Variants in SPPL2B observed in about 807,000 individuals in gnomAD.
SPPL2B encodes signal peptide peptidase like 2B.
A neutral mutation model predicts 59.7 loss-of-function variants in SPPL2B; 39 were observed. The ratio of observed to expected loss-of-function variants is 0.65; its 90% CI spans 0.51 to 0.85. SPPL2B has a LOEUF of 0.85. Ranked by LOEUF, SPPL2B falls within the 40% of genes least tolerant of loss-of-function variation. The probability of loss-of-function intolerance (pLI) is 0.00; values close to 1 mark genes in which losing one functional copy is unlikely to be tolerated. For synonymous variants in SPPL2B, 419 were observed against 370.8 expected, an observed-to-expected ratio of 1.13 and a Z score of -1.49; for missense variants, 865 against 849.0, an observed-to-expected ratio of 1.02 and a Z score of -0.23.
At chr19:2,342,735 C>T (rs1030267518) in intron 8 of SPPL2B, 3 of 175,640 alleles carry the variant, frequency 1.7e-5, no homozygotes, top group Non-Finnish European at 3.7e-5. Context: ...CTGCCTACAG[C>T]CTGTGACCCC....
At position 2,353,110 on chromosome 19, in the gene SPPL2B, G is replaced by A. The variant is rs1043767679; in HGVS notation, c.1680G>A (p.Gly560=). The part of the protein sequence containing the change: ...SPKSRTSEEM[G]AGAPMREPGS... ...AATCACGCACGTCCGAGGAGATGGG[G>A]GCTGGAGCCCCCATGCGGGAGCCTG... Residue 560 remains glycine, a synonymous_variant, in exon 15 of 15, where the codon GGG becomes GGA. Coordinates refer to ENST00000613503, the MANE Select transcript of SPPL2B (RefSeq NM_152988.3). 1.9e-6 allele frequency: 3 copies of A among 1,610,854 alleles called. No homozygotes were observed. In the African/African-American group the frequency reaches 4.0e-5, roughly 22 times the overall value.
At chr19:2,346,734 A>G (rs1969389762) in intron 13 of SPPL2B, among the ~76,000 whole-genome samples, 1 of 152,236 alleles carries the variant, frequency 6.6e-6, no homozygotes, top group Non-Finnish European at 1.5e-5. Flanking sequence ...CTCCTGAAAC[A>G]TAACTTGTCA....
At chr19:2,346,724 C>G (rs1969389408) in intron 13 of SPPL2B, among the ~76,000 whole-genome samples, 1 of 152,204 alleles carries the variant, frequency 6.6e-6, no homozygotes, top group South Asian at 2.1e-4. Context: ...AGATTTGTCT[C>G]TCCTGAAACA....
chr19:2,346,158 T>C (rs891902469), intron 13 of SPPL2B, among the ~76,000 whole-genome samples: 1 of 152,262 alleles, frequency 6.6e-6, no homozygotes, highest in East Asian at 1.9e-4. Flanking sequence ...GGAAAGAAGC[T>C]GTGGTGCTTT....
At chr19:2,343,844 G>A in intron 9 of SPPL2B, 121 bp from the exon 10 acceptor site, 1 of 708,118 alleles carries the variant, frequency 1.4e-6, no homozygotes, top group Non-Finnish European at 2.4e-6. Context: ...CTGGCACTGG[G>A]CACGCTCTGC....
rs555301743 is a variant in SPPL2B, at chr19:2,353,041, C to T, written c.1611C>T (p.Ser537=). The change falls in exon 15 of 15, where the codon AGC becomes AGT. Residue 537 remains serine, a synonymous_variant. Transcript: ENST00000613503. Reference sequence around the variant, plus strand: ...CGCCACTCTCCCCGCAGCCGCCCAGCGAAGAACCAGCCACATCCCCCTGGC... The same window carrying T: ...CGCCACTCTCCCCGCAGCCGCCCAGTGAAGAACCAGCCACATCCCCCTGGC... ...SATPLSPQPP[S]EEPATSPWPA... 2.6e-5 allele frequency: 42 copies of T among 1,611,998 alleles called. No individual in the cohort carries two copies. In the South Asian group the frequency reaches 3.5e-4, roughly 13 times the overall value.
chr19:2,336,906 T>TGTGC (rs1371776285), intron 2 of SPPL2B, among the ~76,000 whole-genome samples: 1 of 147,848 alleles, frequency 6.8e-6, no homozygotes, highest in African/African-American at 2.5e-5. Context: ...TGGGTGTGTG[T>TGTGC]GTGTGTGTGC....
chr19:2,334,782 A>G (rs766360726), intron 2 of SPPL2B, 61 bp downstream of exon 2: 3 of 1,459,844 alleles, frequency 2.1e-6, no homozygotes, highest in Non-Finnish European at 2.7e-6. Context: ...GGGGCTCTAG[A>G]GACACATCCG....
In SPPL2B at chr19:2,340,132, C is replaced by A. The variant is rs751372403; in HGVS notation, c.799C>A (p.Leu267Met). ...CTCCGCCACCGGCCTCTACAGCTGC[C>A]TGGCGCCCTGTGTGCGGCGGCTGCC... Reference protein sequence around the residue: ...LASATGLYSCLAPCVRRLPFG... With the variant: ...LASATGLYSCMAPCVRRLPFG... The change falls in exon 7 of 15, where the codon CTG becomes ATG. Residue 267 changes from leucine to methionine, a missense_variant. Physicochemically the swap from Leu to Met is conservative, Grantham distance 15. Coordinates refer to ENST00000613503, the MANE Select transcript of SPPL2B (RefSeq NM_152988.3). 3.1e-6 allele frequency: 5 copies of A among 1,591,098 alleles called. No individual in the cohort carries two copies. Among genetic ancestry groups the A allele is most frequent in the Non-Finnish European group, 4.3e-6 (5 of 1,174,818 alleles).
chr19:2,334,318 T>C (rs914485939), intron 1 of SPPL2B, among the ~76,000 whole-genome samples: 1 of 152,170 alleles, frequency 6.6e-6, no homozygotes, highest in Non-Finnish European at 1.5e-5. Context: ...CGATCCCTGT[T>C]TTTTGGTGCA....
rs1728575593 is a variant in SPPL2B, at chr19:2,353,335, C to T, written c.*126C>T. The T allele has an allele frequency of 1.7e-6, 2 of 1,191,516 alleles. No homozygotes were observed. Among genetic ancestry groups the T allele is most frequent in the Non-Finnish European group, 2.3e-6 (2 of 876,750 alleles). 73.8% of individuals were successfully genotyped at this position (1,191,516 alleles called of 1,614,324 possible). A position where few individuals can be genotyped will look rare whatever the true frequency, so the allele number is the denominator to read the frequency against. ...CGAGGCCTGTGCCGTCCCCACCCGC[C>T]CCAACATGGTGCTCATCCTTGCCGA... On this transcript the variant is annotated 3_prime_UTR_variant, in exon 15 of 15. Coordinates refer to ENST00000613503, the MANE Select transcript of SPPL2B (RefSeq NM_152988.3).
chr19:2,352,893 G>C (rs1970003261), intron 14 of SPPL2B, 53 bp from the exon 15 acceptor site: 27 of 1,601,424 alleles, frequency 1.7e-5, no homozygotes, highest in Non-Finnish European at 2.3e-5. Flanking sequence ...CCCTGCCAGG[G>C]TCCTCCTCTG....
intron 7 of SPPL2B, 103 bp downstream of exon 7, chr19:2,340,275 C>A: frequency 1.1e-6 from 1 of 921,662 alleles, no homozygotes; most frequent in Non-Finnish European, 1.6e-6. Context: ...TGCTCAGAGT[C>A]TACAGCAGGC....
At chr19:2,351,256 G>A (rs1342833252) in intron 13 of SPPL2B, among the ~76,000 whole-genome samples, 178 bp from the exon 14 acceptor site, 1 of 152,176 alleles carries the variant, frequency 6.6e-6, no homozygotes, top group East Asian at 1.9e-4. Context: ...AGGAGGTGCC[G>A]GAAGGATCCA....
rs375876911 is a variant in SPPL2B, at chr19:2,334,702, C to A, written c.167C>A (p.Pro56Gln). Residue 56 changes from proline to glutamine, a missense_variant, in exon 2 of 15, where the codon CCG (proline) becomes CAG (glutamine). Physicochemically the swap from Pro to Gln is moderately conservative, Grantham distance 76. Transcript: ENST00000613503. ...TACAACCCGCAGTGGGCCCATCTTC[C>A]GCACGACCTCAGCAAGGCAGTGAGT... Reference protein sequence around the residue: ...ILYNPQWAHLPHDLSKASFLQ... With the variant: ...ILYNPQWAHLQHDLSKASFLQ... 6.2e-7 allele frequency: 1 copy of A among 1,609,550 alleles called. No homozygotes were observed. The highest frequency in any genetic ancestry group is 8.5e-7 in the Non-Finnish European group (1 of 1,177,720).
chr19:2,350,025 T>TTG, intron 13 of SPPL2B, among the ~76,000 whole-genome samples: 1 of 113,868 alleles, frequency 8.8e-6, no homozygotes, highest in South Asian at 3.0e-4. Flanking sequence ...CGACACACAC[T>TTG]CGCTCTCATT....
intron 5 of SPPL2B, 140 bp downstream of exon 5, chr19:2,339,348 T>G: frequency 1.0e-6 from 1 of 1,004,604 alleles, no homozygotes; most frequent in Admixed American, 2.5e-5. Context: ...CGTTTCTTCC[T>G]CAGGAGGTCC....
chr19:2,337,644 C>G lies in SPPL2B; in HGVS notation c.369+19C>G. 1 of 1,527,614 alleles carries G rather than the reference C, an allele frequency of 6.5e-7. No individual in the cohort carries two copies. The allele number at this position is 1,527,614 out of a possible 1,614,324, so 94.6% of individuals were successfully genotyped here. ...GAGGCTGGTACGGCCCTGTGCGTCC[C>G]CCGCTGGGCCAGCTCTCAGGGGCAG... On this transcript the variant is annotated intron_variant, in intron 3 of 14. Coordinates refer to ENST00000613503, the MANE Select transcript of SPPL2B (RefSeq NM_152988.3).
intron 7 of SPPL2B, chr19:2,340,437 ACCCTGGGTTC>A (rs1232041258): frequency 1.1e-5 from 7 of 631,690 alleles, no homozygotes; most frequent in Non-Finnish European, 2.0e-5. Flanking sequence ...CGCAGGCCGA[ACCCTGGGTTC>A]CCCAGGGTTC....
Sources: allele counts gnomAD v4.1 joint callset (sites outside exome capture counted in the v4.1 genomes callset), GRCh38; gene constraint gnomAD v4.1.1; transcripts MANE v1.5; gene names NCBI Gene and HGNC (gene_info 2026-07-23, HGNC 2026-07-21).